The following F2R variants were observed in gnomAD, a reference collection of about 807,000 sequenced individuals.
The protein encoded by F2R is coagulation factor II thrombin receptor.
A neutral mutation model predicts 18.3 loss-of-function variants in F2R; 12 were observed. The ratio of observed to expected loss-of-function variants is 0.66; its 90% CI spans 0.42 to 1.06. F2R has a LOEUF of 1.06. F2R is among the 50% of genes least tolerant of loss of function. The pLI, the probability that F2R is intolerant of heterozygous loss-of-function variation, is 0.00. For synonymous variants in F2R, 210 were observed against 219.9 expected (o/e 0.95, Z 0.40); for missense variants, 438 against 530.8 (o/e 0.83, Z 1.72).
Position 76,716,251 on chromosome 5 carries a change from C to T in F2R, c.-57C>T, listed in dbSNP as rs1339702860. ...GCAGAAGTCAGGAGAGAGGGTGAAGCGGAGCAGCCCGAGGCGGGGCAGCCT... is the reference window on the plus strand; with the variant it reads ...GCAGAAGTCAGGAGAGAGGGTGAAGTGGAGCAGCCCGAGGCGGGGCAGCCT... On this transcript the variant is annotated 5_prime_UTR_variant, in exon 1 of 2. Coordinates refer to ENST00000319211, the MANE Select transcript of F2R (RefSeq NM_001992.5). The T allele has an allele frequency of 1.4e-5, 18 of 1,289,588 alleles. No homozygotes were observed. The highest frequency in any genetic ancestry group is 3.1e-5 in the African/African-American group (2 of 63,950). The allele number at this position is 1,289,588 out of a possible 1,614,324, so 79.9% of individuals were successfully genotyped here. A position where few individuals can be genotyped will look rare whatever the true frequency, so the allele number is the denominator to read the frequency against.
At chr5:76,718,115 C>A (rs904873885) in intron 1 of F2R, among the ~76,000 whole-genome samples, 2 of 152,144 alleles carry the variant, frequency 1.3e-5, no homozygotes, top group Non-Finnish European at 2.9e-5. Context: ...TGGATTGTCT[C>A]ATTTCACCTT....
At chr5:76,717,639 G>C (rs2227750) in intron 1 of F2R, among the ~76,000 whole-genome samples, 47,612 of 151,964 alleles carry the variant, frequency 0.31, 8,876 homozygotes, top group African/African-American at 0.52. Flanking sequence ...CATTGTTGCC[G>C]AAAGTGTTTG....
chr5:76,733,319 G>C lies in F2R; in HGVS notation c.1094G>C (p.Cys365Ser), dbSNP rs765861802. ...GTCTGTGTCAGCAGCATAAGCTGCT[G>C]CATCGACCCCCTAATTTACTATTAC... is the stretch of plus-strand genomic sequence containing the variant. ...LCVCVSSISC[C>S]IDPLIYYYAS... Residue 365 changes from cysteine to serine, a missense_variant, in exon 2 of 2, where the codon TGC (cysteine) becomes TCC (serine). Coordinates refer to ENST00000319211, the MANE Select transcript of F2R (RefSeq NM_001992.5). 1.1e-5 allele frequency: 17 copies of C among 1,614,210 alleles called. No individual in the cohort carries two copies. In the East Asian group the frequency reaches 3.8e-4, roughly 36 times the overall value.
At chr5:76,719,447 G>A (rs898037084) in intron 1 of F2R, among the ~76,000 whole-genome samples, 1 of 152,190 alleles carries the variant, frequency 6.6e-6, no homozygotes, top group Non-Finnish European at 1.5e-5. Flanking sequence ...AAATTAGCTG[G>A]GTATGGTGGT....
At position 76,734,437 on chromosome 5, in the gene F2R, G is replaced by A. The variant is rs540059283; in HGVS notation, c.*934G>A. On this transcript the variant is annotated 3_prime_UTR_variant, in exon 2 of 2. Transcript: ENST00000319211. ...CTGGGATTGGCTGTGAACTGATCATGTTTATGAGAAACTGGCAAAGCAGAA... is the reference window on the plus strand; with the variant it reads ...CTGGGATTGGCTGTGAACTGATCATATTTATGAGAAACTGGCAAAGCAGAA... 1 of 152,480 alleles carries A rather than the reference G, an allele frequency of 6.6e-6. No homozygotes were observed. Among genetic ancestry groups the A allele is most frequent in the Non-Finnish European group, 1.5e-5 (1 of 68,038 alleles). 9.4% of individuals were successfully genotyped at this position (152,480 alleles called of 1,614,324 possible).
rs1369602084 is a variant in F2R, at chr5:76,733,222, C to T, written c.997C>T (p.Leu333=). 2 of 1,614,074 alleles carry T rather than the reference C, an allele frequency of 1.2e-6. No individual in the cohort carries two copies. The highest frequency in any genetic ancestry group is 2.7e-5 in the African/African-American group (2 of 74,924). The part of the protein sequence containing the change: ...IICFGPTNVL[L]IAHYSFLSHT... ...TTGCTTCGGACCCACAAACGTCCTC[C>T]TGATTGCGCATTACTCATTCCTTTC... Residue 333 remains leucine (L), a synonymous_variant, in exon 2 of 2, where the codon CTG becomes TTG. Transcript: ENST00000319211.
chr5:76,726,429 G>C (rs1748554650), intron 1 of F2R, among the ~76,000 whole-genome samples: 1 of 152,122 alleles, frequency 6.6e-6, no homozygotes, highest in Non-Finnish European at 1.5e-5. Context: ...TACTAGGGAG[G>C]CTGAGGCAAG....
chr5:76,717,339 T>C (rs1748365174), intron 1 of F2R, among the ~76,000 whole-genome samples: 1 of 152,280 alleles, frequency 6.6e-6, no homozygotes, highest in African/African-American at 2.4e-5. Flanking sequence ...AAAAGTGTTT[T>C]TGAATTTCCT....
At chr5:76,716,878 C>T (rs948188291) in intron 1 of F2R, 1 of 503,710 alleles carries the variant, frequency 2.0e-6, no homozygotes, top group African/African-American at 2.0e-5. Flanking sequence ...AGAGAAAAGC[C>T]CAGGCAGTCC....
chr5:76,728,444 A>G (rs949167909), intron 1 of F2R, among the ~76,000 whole-genome samples: 2 of 152,026 alleles, frequency 1.3e-5, no homozygotes, highest in African/African-American at 4.8e-5. Flanking sequence ...AAATCATGCT[A>G]TATTTGTCTT....
Position 76,716,415 on chromosome 5 carries a change from G to A in F2R, c.88+20G>A. 1 of 1,422,914 alleles carries A rather than the reference G, an allele frequency of 7.0e-7. No individual in the cohort carries two copies. The highest frequency in any genetic ancestry group is 9.2e-7 in the Non-Finnish European group (1 of 1,090,450). The allele number at this position is 1,422,914 out of a possible 1,614,324, so 88.1% of individuals were successfully genotyped here. On this transcript the variant is annotated intron_variant, in intron 1 of 1. Transcript: ENST00000319211. Reference sequence around the variant, plus strand: ...GGCCAGGTGAGAGATGCACGGGAATGGGGTGCGCGGGCGGAGGGACGCCGA... The same window carrying A: ...GGCCAGGTGAGAGATGCACGGGAATAGGGTGCGCGGGCGGAGGGACGCCGA...
rs536216500 is a variant in F2R, at chr5:76,716,241, G to C, written c.-67G>C. 621 of 1,244,044 alleles carry C rather than the reference G, an allele frequency of 5.0e-4. 3 individuals are homozygous for C. The highest frequency in any genetic ancestry group is 1.0e-4 in the Non-Finnish European group (101 of 969,668). 77.1% of individuals were successfully genotyped at this position (1,244,044 alleles called of 1,614,324 possible). On this transcript the variant is annotated 5_prime_UTR_variant, in exon 1 of 2. Transcript: ENST00000319211. ...TCCCCGACCCGCAGAAGTCAGGAGAGAGGGTGAAGCGGAGCAGCCCGAGGC... is the reference window on the plus strand; with the variant it reads ...TCCCCGACCCGCAGAAGTCAGGAGACAGGGTGAAGCGGAGCAGCCCGAGGC...
chr5:76,722,576 G>T (rs1322030194), intron 1 of F2R, among the ~76,000 whole-genome samples: 1 of 152,204 alleles, frequency 6.6e-6, no homozygotes. Flanking sequence ...TGCTTCCAGA[G>T]GAGTACCTGC....
In F2R at chr5:76,733,028, C is replaced by T. The variant is rs1366520771; in HGVS notation, c.803C>T (p.Ala268Val). Residue 268 changes from alanine to valine, a missense_variant, in exon 2 of 2, where the codon GCC becomes GTC. Transcript: ENST00000319211. ...LNETLLEGYY[A>V]YYFSAFSAVF... is the part of the protein sequence containing the mutation. ...GAAACCCTGCTCGAAGGCTACTATG[C>T]CTACTACTTCTCAGCCTTCTCTGCT... 1 of 1,614,174 alleles carries T rather than the reference C, an allele frequency of 6.2e-7. No individual in the cohort carries two copies. The highest frequency in any genetic ancestry group is 1.3e-5 in the African/African-American group (1 of 75,050).
chr5:76,731,913 T>G (rs1748675710), intron 1 of F2R, among the ~76,000 whole-genome samples: 1 of 152,194 alleles, frequency 6.6e-6, no homozygotes, highest in East Asian at 1.9e-4. Context: ...GGAGAAAGTG[T>G]GCACATGAAG....
In F2R at chr5:76,732,966, C is replaced by T. The variant is rs762806598; in HGVS notation, c.741C>T (p.Pro247=). The change falls in exon 2 of 2, where the codon CCC becomes CCT. Residue 247 remains proline, a synonymous_variant. Coordinates refer to ENST00000319211, the MANE Select transcript of F2R (RefSeq NM_001992.5). ...LLLKEQTIQV[P]GLNITTCHDV... ...TCAAGGAGCAAACCATCCAGGTGCC[C>T]GGGCTCAACATCACTACCTGTCATG... The T allele has an allele frequency of 1.3e-5, 21 of 1,614,130 alleles. No homozygotes were observed. Among genetic ancestry groups the T allele is most frequent in the Middle Eastern group, 1.6e-4 (1 of 6,062 alleles).
Position 76,716,180 on chromosome 5 carries a change from T to G in F2R, c.-128T>G. On this transcript the variant is annotated 5_prime_UTR_variant, in exon 1 of 2. Coordinates refer to ENST00000319211, the MANE Select transcript of F2R (RefSeq NM_001992.5). ...GTCGCTTGGACCCTGATCTTACCCG[T>G]GGGCACCCTGCGCTCTGCCTGCCGC... The G allele has an allele frequency of 1.6e-6, 1 of 615,218 alleles. No homozygotes were observed. Among genetic ancestry groups the G allele is most frequent in the Admixed American group, 4.5e-5 (1 of 22,066 alleles). 38.1% of individuals were successfully genotyped at this position (615,218 alleles called of 1,614,324 possible).
chr5:76,716,192 G>T lies in F2R; in HGVS notation c.-116G>T, dbSNP rs904348446. 18 of 783,810 alleles carry T rather than the reference G, an allele frequency of 2.3e-5. No individual in the cohort carries two copies. The highest frequency in any genetic ancestry group is 4.3e-5 in the Admixed American group (1 of 23,258). The allele number at this position is 783,810 out of a possible 1,614,324, so 48.6% of individuals were successfully genotyped here. A position where few individuals can be genotyped will look rare whatever the true frequency, so the allele number is the denominator to read the frequency against. ...CTGATCTTACCCGTGGGCACCCTGCGCTCTGCCTGCCGCGAAGACCGGCTC... is the reference window on the plus strand; with the variant it reads ...CTGATCTTACCCGTGGGCACCCTGCTCTCTGCCTGCCGCGAAGACCGGCTC... On this transcript the variant is annotated 5_prime_UTR_variant, in exon 1 of 2. Transcript: ENST00000319211.
intron 1 of F2R, among the ~76,000 whole-genome samples, chr5:76,729,376 A>G (rs931714109): frequency 7.2e-5 from 11 of 152,184 alleles, no homozygotes; most frequent in African/African-American, 2.7e-4. Flanking sequence ...CTGTTGAGTT[A>G]TAGGAGTTCC....
Sources: gnomAD v4.1 joint callset for allele counts (sites outside exome capture counted in the v4.1 genomes callset) on GRCh38, gnomAD v4.1.1 for gene constraint, MANE v1.5 for transcripts, NCBI Gene and HGNC (gene_info 2026-07-23, HGNC 2026-07-21) for gene names.